Variants in CDH1 observed in about 807,000 individuals in gnomAD.
CDH1 encodes the protein cadherin-1.
Under a neutral mutation model 84.5 loss-of-function variants are expected in CDH1, and 35 were observed. The observed-to-expected ratio is 0.41, with a 90% confidence interval of 0.32 to 0.55. CDH1 has a LOEUF of 0.55. Ranked by LOEUF, CDH1 falls within the 20% of genes least tolerant of loss-of-function variation. The pLI, the probability that CDH1 is intolerant of heterozygous loss-of-function variation, is 0.19. For missense variants in CDH1, 994 were observed against 1,126.6 expected (o/e 0.88, Z 1.68); for synonymous variants, 417 against 439.0 (o/e 0.95, Z 0.63).
chr16:68,784,891 G>A (rs1326446784), intron 2 of CDH1, among the ~76,000 whole-genome samples: 2 of 151,628 alleles, frequency 1.3e-5, no homozygotes, highest in African/African-American at 4.8e-5. Context: ...TGAGGCGGGA[G>A]CAGGCCCCTC....
chr16:68,764,366 C>T (rs1716734037), intron 2 of CDH1, among the ~76,000 whole-genome samples: 1 of 152,196 alleles, frequency 6.6e-6, no homozygotes, highest in African/African-American at 2.4e-5. Context: ...CACCTGCGGT[C>T]AGGAGTTTGA....
In CDH1 at chr16:68,809,582, G is replaced by A. The variant is rs116862838; in HGVS notation, c.688-615G>A. On this transcript the variant is annotated intron_variant, in intron 5 of 15. Coordinates refer to ENST00000261769, the MANE Select transcript of CDH1 (RefSeq NM_004360.5). ...CCTGTGTCACTCAAGCTGGAATGCA[G>A]TGGTACAATCTTAGCTCACTGCAGC... Among the ~76,000 whole-genome samples, 1,407 of 152,210 alleles carry A rather than the reference G, an allele frequency of 9.2e-3. 6 individuals are homozygous for A. Among genetic ancestry groups the A allele is most frequent in the Non-Finnish European group, 0.015 (993 of 68,008 alleles).
At chr16:68,754,815 T>C (rs971449914) in intron 2 of CDH1, among the ~76,000 whole-genome samples, 4 of 152,178 alleles carry the variant, frequency 2.6e-5, no homozygotes, top group Middle Eastern at 3.2e-3. Context: ...CCTGTCCTCA[T>C]GGAATTTCTC....
At chr16:68,794,232 G>A (rs1334799519) in intron 2 of CDH1, among the ~76,000 whole-genome samples, 1 of 151,854 alleles carries the variant, frequency 6.6e-6, no homozygotes, top group African/African-American at 2.4e-5. Flanking sequence ...ATAGAGACAC[G>A]GTCTTGCTAT....
Position 68,833,362 on chromosome 16 carries a change from A to G in CDH1, c.2512A>G (p.Ser838Gly), listed in dbSNP as rs121964872. 109 of 1,614,070 alleles carry G rather than the reference A, an allele frequency of 6.8e-5. No homozygotes were observed. The highest frequency in any genetic ancestry group is 9.0e-5 in the Non-Finnish European group (106 of 1,180,036). ...DSLLVFDYEG[S>G]GSEAASLSSL... is the part of the protein sequence containing the mutation. ...TCTGCTCGTGTTTGACTATGAAGGA[A>G]GCGGTTCCGAAGCTGCTAGTCTGAG... The change falls in exon 16 of 16, where the codon AGC becomes GGC. Residue 838 changes from serine (S) to glycine (G), a missense_variant. Ser to Gly is a moderately conservative substitution (Grantham distance 56). Around this residue, in one of 3 missense-constraint regions of CDH1, gnomAD observed 769 missense variants for 881.8 expected, o/e 0.87. Coordinates refer to ENST00000261769, the MANE Select transcript of CDH1 (RefSeq NM_004360.5).
chr16:68,833,570 C>T lies in CDH1; in HGVS notation c.*71C>T. 3.3e-6 allele frequency: 4 copies of T among 1,211,934 alleles called. No homozygotes were observed. The South Asian group carries it at 3.6e-5, about 11-fold the overall frequency. The allele number at this position is 1,211,934 out of a possible 1,614,324, so 75.1% of individuals were successfully genotyped here. On this transcript the variant is annotated 3_prime_UTR_variant, in exon 16 of 16. Coordinates refer to ENST00000261769, the MANE Select transcript of CDH1 (RefSeq NM_004360.5). ...AGAAATCACGTTGCTGGTGGTTTTT[C>T]AGCTCCCTTCCCTTGAGATGAGTTT... is the stretch of plus-strand genomic sequence containing the variant.
chr16:68,834,390 A>AT lies in CDH1; in HGVS notation c.*898dup, dbSNP rs931141393. On this transcript the variant is annotated 3_prime_UTR_variant, in exon 16 of 16. Transcript: ENST00000261769. ...CAGTTCTCCCACCAGCCTCCTTTTT[A>AT]TTTTTTTGTACAGATGGGGTCTTGC... is the stretch of plus-strand genomic sequence containing the variant. The AT allele has an allele frequency of 9.8e-6, 4 of 408,820 alleles. No individual in the cohort carries two copies. The highest frequency in any genetic ancestry group is 4.1e-5 in the African/African-American group (2 of 48,728). 25.3% of individuals were successfully genotyped at this position (408,820 alleles called of 1,614,324 possible). A position where few individuals can be genotyped will look rare whatever the true frequency, so the allele number is the denominator to read the frequency against.
At chr16:68,819,967 G>C (rs1961096066) in intron 11 of CDH1, among the ~76,000 whole-genome samples, 1 of 152,144 alleles carries the variant, frequency 6.6e-6, no homozygotes, top group Admixed American at 6.5e-5. Context: ...GAGAGGCTGA[G>C]GTGGGAGGAT....
chr16:68,745,138 G>A (rs1962688247), intron 2 of CDH1, among the ~76,000 whole-genome samples: 1 of 151,742 alleles, frequency 6.6e-6, no homozygotes, highest in Non-Finnish European at 1.5e-5. Context: ...GCTAGGGCCG[G>A]GGGAGTCGGG....
chr16:68,745,550 A>ATATATATATATG lies in CDH1; in HGVS notation c.163+7150_163+7151insGTATATATATAT, dbSNP rs1555510454. 6.0e-3 allele frequency among the ~76,000 whole-genome samples: 303 copies of ATATATATATATG among 50,450 alleles called. 15 individuals are homozygous for ATATATATATATG. The East Asian group carries it at 0.096, about 16-fold the overall frequency. 33.1% of individuals were successfully genotyped at this position (50,450 alleles called of 152,430 possible). On this transcript the variant is annotated intron_variant, in intron 2 of 15. Coordinates refer to ENST00000261769, the MANE Select transcript of CDH1 (RefSeq NM_004360.5). Reference sequence around the variant, plus strand: ...TCCTGTCTCAAAAAAAAAAAAAAAAATATATATATATATGTATATATATAT... The same window carrying ATATATATATATG: ...TCCTGTCTCAAAAAAAAAAAAAAAAATATATATATATGTATATATATATATGTATATATATAT...
intron 5 of CDH1, among the ~76,000 whole-genome samples, chr16:68,809,278 C>G (rs1960755947): frequency 6.7e-6 from 1 of 149,066 alleles, no homozygotes; most frequent in South Asian, 2.1e-4. Flanking sequence ...AGGCTGGAAC[C>G]ACAACCTCCA....
Position 68,811,751 on chromosome 16 carries a change from C to T in CDH1, c.900C>T (p.Ile300=), listed in dbSNP as rs775452740. The T allele has an allele frequency of 8.1e-6, 13 of 1,614,068 alleles. No individual in the cohort carries two copies. Among genetic ancestry groups the T allele is most frequent in the East Asian group, 4.5e-5 (2 of 44,880 alleles). Residue 300 remains isoleucine (I), a synonymous_variant, in exon 7 of 16, where the codon ATC becomes ATT. Coordinates refer to ENST00000261769, the MANE Select transcript of CDH1 (RefSeq NM_004360.5). ...DDDVNTYNAA[I]AYTILSQDPE... is the part of the protein sequence containing the mutation. ...ATGTGAACACCTACAATGCCGCCAT[C>T]GCTTACACCATCCTCAGCCAAGATC...
At chr16:68,737,558 C>T (rs1393173357) in intron 1 of CDH1, 95 bp downstream of exon 1, 4 of 1,076,606 alleles carry the variant, frequency 3.7e-6, no homozygotes, top group Non-Finnish European at 5.4e-6. Flanking sequence ...TCACCGCTTC[C>T]CTTCTTCCAA....
At chr16:68,745,429 C>A (rs1352090278) in intron 2 of CDH1, among the ~76,000 whole-genome samples, 1 of 150,320 alleles carries the variant, frequency 6.7e-6, no homozygotes, top group Non-Finnish European at 1.5e-5. Context: ...GTAGTCCCAA[C>A]TACTCAGGAG....
intron 15 of CDH1, among the ~76,000 whole-genome samples, 154 bp from the exon 16 acceptor site, chr16:68,833,136 T>C (rs1020261018): frequency 6.6e-6 from 1 of 152,212 alleles, no homozygotes; most frequent in Non-Finnish European, 1.5e-5. Flanking sequence ...TCCATGACAG[T>C]GTGTATAAAT....
At chr16:68,737,608 T>A in intron 1 of CDH1, 145 bp downstream of exon 1, 1 of 775,940 alleles carries the variant, frequency 1.3e-6, no homozygotes. Flanking sequence ...CCTGGAAGCC[T>A]CGCGCGCTCC....
chr16:68,768,613 T>G (rs12448448), intron 2 of CDH1, among the ~76,000 whole-genome samples: 45,164 of 152,046 alleles, frequency 0.3, 6,833 homozygotes, highest in Middle Eastern at 0.34. Flanking sequence ...TCCCAGGTGT[T>G]CCCTGGAGGC....
chr16:68,813,509 C>T lies in CDH1; in HGVS notation c.1320+14C>T. 6.2e-7 allele frequency: 1 copy of T among 1,613,412 alleles called. No homozygotes were observed. Among genetic ancestry groups the T allele is most frequent in the Non-Finnish European group, 8.5e-7 (1 of 1,179,368 alleles). ...AAAACAGCAAAGGTTTGTATGGTAC[C>T]TGGCAAGATGCAGAAACTGGCATCC... On this transcript the variant is annotated intron_variant, in intron 9 of 15. Coordinates refer to ENST00000261769, the MANE Select transcript of CDH1 (RefSeq NM_004360.5).
At chr16:68,811,643 G>C (rs2152131822) in intron 6 of CDH1, 41 bp from the exon 7 acceptor site, 1 of 1,592,996 alleles carries the variant, frequency 6.3e-7, no homozygotes, top group Non-Finnish European at 8.6e-7. Flanking sequence ...CAGTCCCAAA[G>C]TGCAGCTTGT....
Sources: gnomAD v4.1 joint callset for allele counts (sites outside exome capture counted in the v4.1 genomes callset) on GRCh38, gnomAD v4.1.1 for gene constraint, gnomAD v4.1.1 regional missense constraint, MANE v1.5 for transcripts, NCBI Gene and HGNC (gene_info 2026-07-23, HGNC 2026-07-21) for gene names.